PURG: variants seen among roughly 807,000 people sequenced by gnomAD.
PURG encodes the protein purine-rich element-binding protein gamma.
Under a neutral mutation model 24.3 loss-of-function variants are expected in PURG, and 3 were observed. That is an observed-to-expected ratio of 0.12 (90% CI 0.06 to 0.32). PURG has a LOEUF of 0.32. Ranked by LOEUF, PURG falls within the 10% of genes least tolerant of loss-of-function variation. The pLI is 1.00. For synonymous variants in PURG, 180 were observed against 173.1 expected (o/e 1.04, Z -0.31); for missense variants, 371 against 439.1 (o/e 0.84, Z 1.39).
Position 30,998,632 on chromosome 8 carries a change from G to A in PURG, c.865-1935C>T, listed in dbSNP as rs370469648. On this transcript the variant is annotated intron_variant, in intron 1 of 1. Coordinates refer to the PURG transcript ENST00000339382. ...GCTTAAAATTATAAACTTGAATGTC[G>A]ATTCTGAATTCATTTTGTGGGGAAA... Among the ~76,000 whole-genome samples, 21 of 151,660 alleles carry A rather than the reference G, an allele frequency of 1.4e-4. No homozygotes were observed. In the South Asian group the frequency reaches 3.5e-3, roughly 26 times the overall value.
intron 1 of PURG, among the ~76,000 whole-genome samples, chr8:31,002,889 A>G (rs982961798): frequency 2.0e-5 from 3 of 152,234 alleles, no homozygotes; most frequent in Admixed American, 6.5e-5. Context: ...CATTATCGGC[A>G]GTTTAATTAA....
exon 2 of PURG, chr8:30,996,685 G>A (rs764723321): frequency 6.2e-7 from 1 of 1,610,478 alleles, no homozygotes; most frequent in Non-Finnish European, 8.5e-7. Flanking sequence ...CTGGATTTGG[G>A]GTAATTTGTG....
intron 1 of PURG, among the ~76,000 whole-genome samples, chr8:31,004,144 T>C (rs541814249): frequency 1.6e-4 from 25 of 152,324 alleles, no homozygotes; most frequent in African/African-American, 5.8e-4. Flanking sequence ...TTGCATAACA[T>C]GGCAAACAAT....
chr8:31,028,115 C>T (rs1442502761), downstream of PURG, among the ~76,000 whole-genome samples: 2 of 151,720 alleles, frequency 1.3e-5, no homozygotes, highest in African/African-American at 4.8e-5. Flanking sequence ...AATTAACTGT[C>T]AGGGCACTGT....
chr8:30,998,206 A>G (rs1382309927), intron 1 of PURG, among the ~76,000 whole-genome samples: 1 of 151,828 alleles, frequency 6.6e-6, no homozygotes, highest in Non-Finnish European at 1.5e-5. Flanking sequence ...TCTTGTTATC[A>G]CATATACTTT....
At chr8:31,030,283 GT>G, downstream of PURG, among the ~76,000 whole-genome samples, 1 of 152,118 alleles carries the variant, frequency 6.6e-6, no homozygotes, top group South Asian at 2.1e-4. Context: ...TGAAATCAGT[GT>G]TCTGGCTCTT....
In PURG at chr8:31,032,770, T is replaced by C. The variant is rs1179939395; in HGVS notation, c.13A>G (p.Arg5Gly). 8.4e-6 allele frequency: 12 copies of C among 1,424,586 alleles called. No individual in the cohort carries two copies. Among genetic ancestry groups the C allele is most frequent in the Non-Finnish European group, 1.1e-5 (12 of 1,086,836 alleles). The allele number at this position is 1,424,586 out of a possible 1,614,324, so 88.2% of individuals were successfully genotyped here. The change falls in exon 2 of 2, where the codon AGG (arginine) becomes GGG (glycine). Residue 5 changes from arginine (R) to glycine (G), a missense_variant. Around this residue, in one of 5 missense-constraint regions of PURG, gnomAD observed 213 missense variants for 230.6 expected, o/e 0.92. Coordinates refer to ENST00000523392, the MANE Select transcript of PURG (RefSeq NM_001323311.2). The surrounding 1 kb of genome is among the most constrained non-coding windows in gnomAD (Gnocchi z 5.9). ...CGGCCGCCGCCGCCTCCCCTTCGCCTGGCTCTTTCCATCTTCAGCTGCAAG... is the reference window on the plus strand; with the variant it reads ...CGGCCGCCGCCGCCTCCCCTTCGCCCGGCTCTTTCCATCTTCAGCTGCAAG... The part of the protein sequence containing the change: MERA[R>G]RRGGGGGRGR...
At chr8:31,005,771 C>CTTTTTTT (rs67428647) in intron 1 of PURG, among the ~76,000 whole-genome samples, 5 of 142,194 alleles carry the variant, frequency 3.5e-5, no homozygotes, top group South Asian at 2.2e-4. Context: ...TTTCTTTTTT[C>CTTTTTTT]TTTTTTTTTT....
At chr8:31,005,773 T>G (rs1157936652) in intron 1 of PURG, among the ~76,000 whole-genome samples, 1 of 133,518 alleles carries the variant, frequency 7.5e-6, no homozygotes, top group East Asian at 2.3e-4. Flanking sequence ...TCTTTTTTCT[T>G]TTTTTTTTTT....
intron 1 of PURG, among the ~76,000 whole-genome samples, chr8:31,000,129 C>T (rs1398839974): frequency 1.3e-5 from 2 of 152,034 alleles, no homozygotes; most frequent in Non-Finnish European, 2.9e-5. Context: ...GCTGGTCATT[C>T]CTATAAAGTC....
chr8:30,996,989 T>C (rs1056958595), intron 1 of PURG, among the ~76,000 whole-genome samples: 5 of 151,858 alleles, frequency 3.3e-5, no homozygotes, highest in African/African-American at 1.2e-4. Flanking sequence ...TTGAAGCATC[T>C]ATGCAGACAC....
chr8:31,026,758 C>T (rs1311338215), downstream of PURG, among the ~76,000 whole-genome samples: 1 of 150,392 alleles, frequency 6.6e-6, no homozygotes, highest in Non-Finnish European at 1.5e-5. Flanking sequence ...CCCATCTGTA[C>T]TGTTTCCATT....
In PURG at chr8:31,032,549, T is replaced by C. The variant is rs764484074; in HGVS notation, c.234A>G (p.Gln78=). 1.2e-6 allele frequency: 2 copies of C among 1,614,120 alleles called. No homozygotes were observed. The highest frequency in any genetic ancestry group is 1.1e-5 in the South Asian group (1 of 91,086). Residue 78 remains glutamine, a synonymous_variant, in exon 2 of 2, where the codon CAA becomes CAG. Transcript: ENST00000523392. This position sits in a 1 kb window ranked among gnomAD's most constrained non-coding sequence, Gnocchi z 5.9. The stretch of plus-strand genomic sequence containing the variant: ...TCTTTAGGAAGCGGCCCCGGGAGCT[T>C]TGCTTCACGTCTAGGTAAAACCTCT... ...QKKRFYLDVK[Q]SSRGRFLKIA...
intron 1 of PURG, among the ~76,000 whole-genome samples, chr8:31,006,631 T>C (rs1377835499): frequency 2.0e-5 from 3 of 152,260 alleles, no homozygotes; most frequent in African/African-American, 7.2e-5. Context: ...AGGCTTTTGC[T>C]GTCCCAAATC....
chr8:30,996,690 T>A (rs775815806), exon 2 of PURG: 2 of 1,608,364 alleles, frequency 1.2e-6, no homozygotes, highest in Non-Finnish European at 1.7e-6. Flanking sequence ...TTTGGGGTAA[T>A]TTGTGAGCTA....
intron 1 of PURG, among the ~76,000 whole-genome samples, chr8:31,006,800 C>G (rs373289811): frequency 6.6e-6 from 1 of 152,164 alleles, no homozygotes; most frequent in Admixed American, 6.5e-5. Context: ...ACTGAATAAA[C>G]GAATGTTCTT....
chr8:31,016,696 G>A (rs1810878910), intron 1 of PURG, among the ~76,000 whole-genome samples: 1 of 150,530 alleles, frequency 6.6e-6, no homozygotes, highest in African/African-American at 2.4e-5. Flanking sequence ...GATGAAAAAT[G>A]CCAATTTCTG....
chr8:30,998,631 C>T (rs1378063106), intron 1 of PURG, among the ~76,000 whole-genome samples: 4 of 151,744 alleles, frequency 2.6e-5, no homozygotes, highest in African/African-American at 2.4e-5. Context: ...ACTTGAATGT[C>T]GATTCTGAAT....
chr8:31,004,111 C>T (rs1172022912), intron 1 of PURG, among the ~76,000 whole-genome samples: 1 of 152,218 alleles, frequency 6.6e-6, no homozygotes, highest in Non-Finnish European at 1.5e-5. Flanking sequence ...TTTACTGCCA[C>T]TCCCCAGAAT....
Sources: allele counts gnomAD v4.1 joint callset (sites outside exome capture counted in the v4.1 genomes callset), GRCh38; gene constraint gnomAD v4.1.1; regional missense constraint gnomAD v4.1.1; non-coding constraint Gnocchi (gnomAD v3.1); transcripts MANE v1.5; gene names NCBI Gene and HGNC (gene_info 2026-07-23, HGNC 2026-07-21).